The following ZNF667 variants were observed in gnomAD, a reference collection of about 807,000 sequenced individuals.
ZNF667 encodes zinc finger protein 667, also known as myocardial ischemic preconditioning upregulated 1 ortholog.
Under a neutral mutation model 31.8 loss-of-function variants are expected in ZNF667, and 13 were observed. The ratio of observed to expected loss-of-function variants is 0.41; its 90% CI spans 0.27 to 0.65. ZNF667 has a LOEUF of 0.65. ZNF667 is among the 30% of genes least tolerant of loss of function. The pLI is 0.32. For synonymous variants in ZNF667, 228 were observed against 247.1 expected, an observed-to-expected ratio of 0.92 and a Z score of 0.73; for missense variants, 642 against 725.6, an observed-to-expected ratio of 0.88 and a Z score of 1.32.
chr19:56,441,922 T>C lies in ZNF667; in HGVS notation c.1073A>G (p.Tyr358Cys), dbSNP rs765725616. The change falls in exon 7 of 7, where the codon TAC becomes TGC. Residue 358 changes from tyrosine to cysteine, a missense_variant. Coordinates refer to ENST00000504904, the MANE Select transcript of ZNF667 (RefSeq NM_001321356.2). The surrounding 1 kb of genome is among the most constrained non-coding windows in gnomAD (Gnocchi z 4.2). ...GAACTTGTCACATTTATCACATTTG[T>C]ACGGTTTCTCTGAAGTGTGAATTCT... ...HQRIHTSEKP[Y>C]KCDKCDKFFR... 3 of 1,614,186 alleles carry C rather than the reference T, an allele frequency of 1.9e-6. No homozygotes were observed. Among genetic ancestry groups the C allele is most frequent in the Non-Finnish European group, 2.5e-6 (3 of 1,180,032 alleles).
At chr19:56,458,945 C>A (rs962485996) in intron 5 of ZNF667, among the ~76,000 whole-genome samples, 5 of 152,200 alleles carry the variant, frequency 3.3e-5, no homozygotes, top group Non-Finnish European at 7.3e-5. Context: ...TAATTTAGAG[C>A]TGGTCAGTTG....
chr19:56,453,894 G>A (rs1321670655), intron 6 of ZNF667, among the ~76,000 whole-genome samples: 2 of 152,172 alleles, frequency 1.3e-5, no homozygotes, highest in Non-Finnish European at 2.9e-5. Context: ...AAAGGAAGAC[G>A]TCAAATTCTT....
chr19:56,458,158 G>T lies in ZNF667; in HGVS notation c.250C>A (p.Pro84Thr). ...GCCTTGGTTCTCTGTCACTCACCAG[G>T]AGCCCGGCGTCTTCTTACTGGCTCT... Reference protein sequence around the residue: ...MVEPVRRRRAPDSGSKCETKK... With the variant: ...MVEPVRRRRATDSGSKCETKK... The change falls in exon 6 of 7, where the codon CCT (proline) becomes ACT (threonine). Residue 84 changes from proline (P) to threonine (T), a missense_variant. Transcript: ENST00000504904. 6.2e-7 allele frequency: 1 copy of T among 1,614,136 alleles called. No homozygotes were observed. Among genetic ancestry groups the T allele is most frequent in the Non-Finnish European group, 8.5e-7 (1 of 1,179,982 alleles).
intron 6 of ZNF667, among the ~76,000 whole-genome samples, chr19:56,457,078 T>A (rs565104902): frequency 6.6e-6 from 1 of 152,264 alleles, no homozygotes; most frequent in African/African-American, 2.4e-5. Context: ...AGCTCCTAGA[T>A]GACGCATCCC....
chr19:56,466,156 C>T (rs533533194), intron 3 of ZNF667, among the ~76,000 whole-genome samples: 1 of 152,152 alleles, frequency 6.6e-6, no homozygotes, highest in Non-Finnish European at 1.5e-5. Flanking sequence ...GGAGCCTGGC[C>T]CTGGCTTCCC....
At chr19:56,466,917 C>T (rs914527573) in intron 3 of ZNF667, 31 of 433,672 alleles carry the variant, frequency 7.1e-5, no homozygotes, top group African/African-American at 6.1e-4. Flanking sequence ...CTCCTGCTTT[C>T]TGAGAACACC....
In ZNF667 at chr19:56,458,252, A is replaced by G; in HGVS notation, c.161-5T>C. Reference sequence around the variant, plus strand: ...TTGGTCTCCGAAAGGAAAGACCTGTACGTGGGACAAACATGGGAAATGATC... The same window carrying G: ...TTGGTCTCCGAAAGGAAAGACCTGTGCGTGGGACAAACATGGGAAATGATC... On this transcript the variant is annotated splice_region_variant and splice_polypyrimidine_tract_variant and intron_variant, in intron 5 of 6. Transcript: ENST00000504904. 6.2e-7 allele frequency: 1 copy of G among 1,613,386 alleles called. No individual in the cohort carries two copies. The highest frequency in any genetic ancestry group is 1.1e-5 in the South Asian group (1 of 91,060).
intron 3 of ZNF667, among the ~76,000 whole-genome samples, chr19:56,465,079 G>T (rs565175555): frequency 6.6e-6 from 1 of 152,344 alleles, no homozygotes; most frequent in South Asian, 2.1e-4. Context: ...GCAGTTGTCT[G>T]AAAGTTGTAG....
intron 1 of ZNF667, 88 bp downstream of exon 1, chr19:56,477,184 C>G (rs903540242): frequency 6.6e-6 from 1 of 152,312 alleles, no homozygotes; most frequent in Non-Finnish European, 1.5e-5. Flanking sequence ...TGCGCAAACC[C>G]ACGCGCGCCT....
At chr19:56,469,502 A>G (rs1224471437) in intron 3 of ZNF667, among the ~76,000 whole-genome samples, 8 of 152,184 alleles carry the variant, frequency 5.3e-5, no homozygotes, top group African/African-American at 1.9e-4. Flanking sequence ...TGTAAGAATG[A>G]AGAATCACGT....
chr19:56,461,895 T>G (rs752326449), intron 4 of ZNF667, among the ~76,000 whole-genome samples: 1 of 152,220 alleles, frequency 6.6e-6, no homozygotes. Flanking sequence ...ATTTCCTCCA[T>G]GTAAATATGG....
rs766585924 is a variant in ZNF667 at position 56,442,297 on chromosome 19, G to T, written c.698C>A (p.Ala233Asp). ...DGKEILDCGKALSQCQSFNIH... is the reference protein window; with the variant it reads ...DGKEILDCGKDLSQCQSFNIH... Reference sequence around the variant, plus strand: ...ATTGAAAGACTGACATTGACTCAAGGCCTTCCCACAGTCAAGAATTTCCTT... The same window carrying T: ...ATTGAAAGACTGACATTGACTCAAGTCCTTCCCACAGTCAAGAATTTCCTT... The change falls in exon 7 of 7, where the codon GCC (alanine) becomes GAC (aspartate). Residue 233 changes from alanine (A) to aspartate (D), a missense_variant. Ala to Asp is a moderately radical substitution (Grantham distance 126, BLOSUM62 -2). Coordinates refer to ENST00000504904, the MANE Select transcript of ZNF667 (RefSeq NM_001321356.2). 1 of 1,614,010 alleles carries T rather than the reference G, an allele frequency of 6.2e-7. No individual in the cohort carries two copies. The highest frequency in any genetic ancestry group is 8.5e-7 in the Non-Finnish European group (1 of 1,179,972).
chr19:56,462,549 ATGT>A, intron 3 of ZNF667, 120 bp from the exon 4 acceptor site: 1 of 670,452 alleles, frequency 1.5e-6, no homozygotes, highest in Non-Finnish European at 2.7e-6. Flanking sequence ...ACACACACAG[ATGT>A]CAGAACACCT....
At chr19:56,444,217 G>A (rs1165199147) in intron 6 of ZNF667, 1 of 398,378 alleles carries the variant, frequency 2.5e-6, no homozygotes, top group East Asian at 3.6e-5. Context: ...TTGGCTCCTG[G>A]TTCAGTAGGC....
intron 6 of ZNF667, among the ~76,000 whole-genome samples, chr19:56,451,868 C>CAAAAAAAAAAAAAAAAAAA (rs71184363): frequency 2.5e-5 from 2 of 80,976 alleles, no homozygotes; most frequent in African/African-American, 1.1e-4. Flanking sequence ...GACCCTGTCT[C>CAAAAAAAAAAAAAAAAAAA]AAAAAAAAAA....
At position 56,440,783 on chromosome 19, in the gene ZNF667, C is replaced by T. The variant is rs1471749542; in HGVS notation, c.*379G>A. The T allele has an allele frequency of 1.6e-4, 86 of 538,776 alleles. No homozygotes were observed. The highest frequency in any genetic ancestry group is 2.0e-4 in the Non-Finnish European group (82 of 407,426). The allele number at this position is 538,776 out of a possible 1,614,324, so 33.4% of individuals were successfully genotyped here. On this transcript the variant is annotated 3_prime_UTR_variant, in exon 7 of 7. Transcript: ENST00000504904. ...TCTCCAGTAGCTGAGATTACAGGTG[C>T]GCACCACCACGCCCAGCTAATTTTG...
intron 6 of ZNF667, among the ~76,000 whole-genome samples, chr19:56,457,255 A>G (rs1217799903): frequency 2.6e-5 from 4 of 152,244 alleles, no homozygotes; most frequent in Admixed American, 2.6e-4. Context: ...CACAAAAATC[A>G]TGCAGATTTG....
At chr19:56,467,189 G>A in intron 3 of ZNF667, 1 of 370,514 alleles carries the variant, frequency 2.7e-6, no homozygotes, top group South Asian at 2.0e-5. Flanking sequence ...ATCTGCCTGG[G>A]AATGGGGTGG....
chr19:56,456,618 C>G (rs1226429330), intron 6 of ZNF667, among the ~76,000 whole-genome samples: 1 of 151,984 alleles, frequency 6.6e-6, no homozygotes, highest in South Asian at 2.1e-4. Flanking sequence ...AGAAAACAGG[C>G]AAAAGCACTT....
Sources: allele counts gnomAD v4.1 joint callset (sites outside exome capture counted in the v4.1 genomes callset), GRCh38; gene constraint gnomAD v4.1.1; non-coding constraint Gnocchi (gnomAD v3.1); transcripts MANE v1.5; gene names NCBI Gene and HGNC (gene_info 2026-07-23, HGNC 2026-07-21).